The following MYO3B variants were observed in gnomAD, a reference collection of about 807,000 sequenced individuals.
MYO3B encodes the protein myosin-IIIb.
In MYO3B, 156 loss-of-function variants were observed where a neutral mutation model predicts 174.6. That is an observed-to-expected ratio of 0.89 (90% CI 0.78 to 1.02). The LOEUF is 1.02. MYO3B is among the 50% of genes least tolerant of loss of function. MYO3B has a pLI of 0.00. For synonymous variants in MYO3B, 563 were observed against 569.1 expected (o/e 0.99, Z 0.15); for missense variants, 1,632 against 1,639.4 (o/e 1.00, Z 0.08).
rs1686104381 is a variant in MYO3B at position 170,486,921 on chromosome 2, C to T, written c.3015-11671C>T. On this transcript the variant is annotated intron_variant, in intron 25 of 34. Coordinates refer to ENST00000408978, the MANE Select transcript of MYO3B (RefSeq NM_138995.5). ...CTTTACTGAACAAATCATTTCCCTT[C>T]TCCACTTGATGGCAGTCAATTATCA... Among the ~76,000 whole-genome samples the T allele has an allele frequency of 3.3e-5, 5 of 152,344 alleles. No homozygotes were observed. The Middle Eastern group carries it at 0.014, about 415-fold the overall frequency.
At chr2:170,274,987 C>A (rs1042578063) in intron 7 of MYO3B, among the ~76,000 whole-genome samples, 6 of 151,962 alleles carry the variant, frequency 3.9e-5, no homozygotes, top group African/African-American at 1.5e-4. Flanking sequence ...TGACATTATT[C>A]AAAAATGTTG....
intron 28 of MYO3B, among the ~76,000 whole-genome samples, chr2:170,503,388 G>T (rs1199931147): frequency 1.3e-5 from 2 of 152,000 alleles, no homozygotes; most frequent in Non-Finnish European, 2.9e-5. Context: ...AGCACCTATG[G>T]GGTAGCTACC....
At position 170,618,234 on chromosome 2, in the gene MYO3B, T is replaced by C. The variant is rs140764096; in HGVS notation, c.3734-33394T>C. 2.6e-3 allele frequency among the ~76,000 whole-genome samples: 395 copies of C among 152,254 alleles called. 2 individuals carry two copies. The highest frequency in any genetic ancestry group is 4.2e-3 in the Non-Finnish European group (286 of 68,012). ...ATACTATCATTAACATAGACCTCGA[T>C]AGGAGCATCCATCCATGTCACGGCT... On this transcript the variant is annotated intron_variant, in intron 32 of 34. Coordinates refer to ENST00000408978, the MANE Select transcript of MYO3B (RefSeq NM_138995.5).
At chr2:170,577,181 A>C (rs1692837091) in intron 32 of MYO3B, among the ~76,000 whole-genome samples, 1 of 152,236 alleles carries the variant, frequency 6.6e-6, no homozygotes, top group African/African-American at 2.4e-5. Flanking sequence ...CAAAGTTGTG[A>C]GGAGAAAGAG....
Position 170,235,982 on chromosome 2 carries a change from G to C in MYO3B, c.604-9G>C, listed in dbSNP as rs1473702572. ...GGTTGATGTGTCATGTCCTGCTTTT[G>C]TCCAATAGGTCATTGCCTGTGAGCA... is the stretch of plus-strand genomic sequence containing the variant. On this transcript the variant is annotated splice_polypyrimidine_tract_variant and intron_variant, in intron 6 of 34. Transcript: ENST00000408978. 2 of 1,613,838 alleles carry C rather than the reference G, an allele frequency of 1.2e-6. No individual in the cohort carries two copies. The highest frequency in any genetic ancestry group is 1.7e-6 in the Non-Finnish European group (2 of 1,179,982).
chr2:170,494,605 G>A (rs1351939846), intron 25 of MYO3B, among the ~76,000 whole-genome samples: 1 of 151,480 alleles, frequency 6.6e-6, no homozygotes, highest in Non-Finnish European at 1.5e-5. Flanking sequence ...GTACATGCCT[G>A]TAATCCCAGC....
chr2:170,369,804 G>C (rs754409696), intron 9 of MYO3B, among the ~76,000 whole-genome samples: 3 of 152,056 alleles, frequency 2.0e-5, no homozygotes, highest in Non-Finnish European at 4.4e-5. Flanking sequence ...AGGCTGTAAA[G>C]TGATTTTGGA....
chr2:170,433,240 C>T (rs1034618688), intron 22 of MYO3B, among the ~76,000 whole-genome samples: 1 of 151,854 alleles, frequency 6.6e-6, no homozygotes, highest in African/African-American at 2.4e-5. Context: ...ATAGCATAGC[C>T]CAGGTGTGTC....
At chr2:170,418,319 T>C (rs898866468) in intron 22 of MYO3B, among the ~76,000 whole-genome samples, 4 of 152,336 alleles carry the variant, frequency 2.6e-5, no homozygotes, top group Middle Eastern at 3.4e-3. Context: ...CATTGTTGGT[T>C]TGTCTTCTAC....
chr2:170,594,622 G>A (rs1694023001), intron 32 of MYO3B, among the ~76,000 whole-genome samples: 1 of 152,140 alleles, frequency 6.6e-6, no homozygotes, highest in African/African-American at 2.4e-5. Flanking sequence ...TGAATTCATT[G>A]CCTGAGGCTG....
rs201316029 is a variant in MYO3B at position 170,404,306 on chromosome 2, G to A, written c.2337G>A (p.Pro779=). 105 of 1,613,526 alleles carry A rather than the reference G, an allele frequency of 6.5e-5. No individual in the cohort carries two copies. Among genetic ancestry groups the A allele is most frequent in the East Asian group, 3.8e-4 (17 of 44,872 alleles). ...AVPVEYEDNR[P]LLDMFLQKPL... is the part of the protein sequence containing the mutation. ...CCGTGGAATATGAGGACAACCGCCC[G>A]CTCTTGGACATGTTCCTCCAGAAAC... is the stretch of plus-strand genomic sequence containing the variant. Residue 779 remains proline, a synonymous_variant, in exon 20 of 35, where the codon CCG becomes CCA. Transcript: ENST00000408978.
chr2:170,178,375 C>A, intron 1 of MYO3B, 86 bp downstream of exon 1: 1 of 1,544,424 alleles, frequency 6.5e-7, no homozygotes, highest in Non-Finnish European at 9.0e-7. Context: ...GCTGCCCTGG[C>A]TGGTGGGCAG....
At chr2:170,590,044 T>C (rs1307501568) in intron 32 of MYO3B, among the ~76,000 whole-genome samples, 1 of 152,222 alleles carries the variant, frequency 6.6e-6, no homozygotes, top group East Asian at 1.9e-4. Context: ...TTAACCTAGG[T>C]ATGTAGTAGG....
At chr2:170,318,966 G>A (rs987986021) in intron 7 of MYO3B, among the ~76,000 whole-genome samples, 2 of 152,162 alleles carry the variant, frequency 1.3e-5, no homozygotes, top group African/African-American at 4.8e-5. Context: ...GAAAGAATAG[G>A]AAAGGCTGAA....
At chr2:170,265,102 C>T (rs986471546) in intron 7 of MYO3B, among the ~76,000 whole-genome samples, 1 of 152,192 alleles carries the variant, frequency 6.6e-6, no homozygotes, top group African/African-American at 2.4e-5. Context: ...TTGGGGCTGG[C>T]TTTCATAATG....
At chr2:170,195,914 C>G (rs999098437) in intron 1 of MYO3B, among the ~76,000 whole-genome samples, 1 of 152,228 alleles carries the variant, frequency 6.6e-6, no homozygotes, top group African/African-American at 2.4e-5. Context: ...CAAGTTGACA[C>G]TCAATATTAA....
chr2:170,362,637 A>G (rs1356589), intron 8 of MYO3B, among the ~76,000 whole-genome samples: 46,218 of 152,084 alleles, frequency 0.3, 8,487 homozygotes, highest in African/African-American at 0.52. Flanking sequence ...TGCCTAACTG[A>G]GTAATGCACT....
At chr2:170,649,348 TA>T (rs1698800388) in intron 32 of MYO3B, among the ~76,000 whole-genome samples, 1 of 48,318 alleles carries the variant, frequency 2.1e-5, no homozygotes, top group African/African-American at 1.0e-4. Context: ...ATATATAAAA[TA>T]ATATATAATA....
intron 7 of MYO3B, among the ~76,000 whole-genome samples, chr2:170,310,598 G>A (rs764327374): frequency 2.1e-5 from 3 of 141,682 alleles, no homozygotes; most frequent in Non-Finnish European, 3.1e-5. Context: ...CCTGGAGATG[G>A]AGGTTGGAGT....
Sources: allele counts gnomAD v4.1 joint callset (sites outside exome capture counted in the v4.1 genomes callset), GRCh38; gene constraint gnomAD v4.1.1; transcripts MANE v1.5; gene names NCBI Gene and HGNC (gene_info 2026-07-23, HGNC 2026-07-21).